PHF21A: variants seen among roughly 807,000 people sequenced by gnomAD.
PHF21A encodes PHD finger protein 21A, also known as BHC80a.
Under a neutral mutation model 82.5 loss-of-function variants are expected in PHF21A, and 11 were observed. The ratio of observed to expected loss-of-function variants is 0.13; its 90% CI spans 0.08 to 0.22. The LOEUF (loss-of-function observed/expected upper bound fraction) is 0.22. PHF21A is among the 10% of genes least tolerant of loss of function. PHF21A has a pLI of 1.00. For synonymous variants in PHF21A, 297 were observed against 302.8 expected, an observed-to-expected ratio of 0.98 and a Z score of 0.20; for missense variants, 579 against 837.8, an observed-to-expected ratio of 0.69 and a Z score of 3.81.
intron 6 of PHF21A, among the ~76,000 whole-genome samples, chr11:46,074,458 C>CG (rs35144908): frequency 0.088 from 11,151 of 126,682 alleles, 511 homozygotes; most frequent in Non-Finnish European, 0.11. Context: ...GCTCTTTTGG[C>CG]GGGAGGGGGG....
At chr11:46,111,252 T>C (rs1329657288) in intron 1 of PHF21A, among the ~76,000 whole-genome samples, 1 of 151,358 alleles carries the variant, frequency 6.6e-6, no homozygotes, top group East Asian at 2.0e-4. Context: ...GCAGATCACT[T>C]GAGGCCAAGA....
intron 6 of PHF21A, among the ~76,000 whole-genome samples, chr11:46,051,201 T>C (rs1470963149): frequency 6.6e-6 from 1 of 152,192 alleles, no homozygotes; most frequent in Non-Finnish European, 1.5e-5. Flanking sequence ...AAATAAAGTA[T>C]GTGGTTTCTT....
At chr11:46,085,188 CTG>C (rs766404375) in intron 3 of PHF21A, among the ~76,000 whole-genome samples, 2 of 152,106 alleles carry the variant, frequency 1.3e-5, no homozygotes, top group Non-Finnish European at 2.9e-5. Flanking sequence ...TGCAATATAA[CTG>C]TACTATCCAC....
chr11:46,009,206 T>G (rs1045315987), intron 6 of PHF21A, among the ~76,000 whole-genome samples: 3 of 152,028 alleles, frequency 2.0e-5, no homozygotes, highest in Non-Finnish European at 2.9e-5. Flanking sequence ...ACTCCCGACC[T>G]CAGGTAATCT....
chr11:46,103,984 T>A (rs1301784111), intron 1 of PHF21A, among the ~76,000 whole-genome samples: 3 of 152,166 alleles, frequency 2.0e-5, no homozygotes, highest in Admixed American at 2.0e-4. Context: ...GTACCTTTTC[T>A]CATAATCAAC....
intron 7 of PHF21A, among the ~76,000 whole-genome samples, chr11:45,973,002 C>T (rs765045570): frequency 1.1e-4 from 16 of 152,014 alleles, no homozygotes; most frequent in Middle Eastern, 3.2e-3. Context: ...CACTTGAACC[C>T]GTGAGGCAGA....
intron 16 of PHF21A, among the ~76,000 whole-genome samples, chr11:45,937,516 T>G (rs1249159738): frequency 6.6e-6 from 1 of 152,184 alleles, no homozygotes; most frequent in Non-Finnish European, 1.5e-5. Context: ...GTCTCGCTCT[T>G]GTCACCCAGG....
intron 6 of PHF21A, among the ~76,000 whole-genome samples, chr11:46,006,029 A>G (rs2095286403): frequency 6.6e-6 from 1 of 152,212 alleles, no homozygotes; most frequent in Non-Finnish European, 1.5e-5. Flanking sequence ...CTGGTCTAAT[A>G]TAAAACAGTC....
rs1438680960 is a variant in PHF21A, at chr11:46,090,543, G to C, written c.-172C>G. On this transcript the variant is annotated 5_prime_UTR_variant, in exon 3 of 19. Coordinates refer to ENST00000676320, the MANE Select transcript of PHF21A (RefSeq NM_001352027.3). ...TCTTGGAGATTCACAATGCACATTA[G>C]CATATTAAAGGTTCTGAGAAGTCCT... 1.3e-5 allele frequency: 2 copies of C among 152,122 alleles called. No individual in the cohort carries two copies. The highest frequency in any genetic ancestry group is 3.9e-4 in the East Asian group (2 of 5,190). The allele number at this position is 152,122 out of a possible 1,614,324, so 9.4% of individuals were successfully genotyped here.
chr11:45,983,272 C>T (rs957237114), intron 6 of PHF21A, among the ~76,000 whole-genome samples: 1 of 151,296 alleles, frequency 6.6e-6, no homozygotes, highest in Admixed American at 6.6e-5. Context: ...GATCAAAATA[C>T]TTGCAAACTT....
chr11:46,042,590 A>AGGACATG (rs1565692742), intron 6 of PHF21A, among the ~76,000 whole-genome samples: 1 of 152,152 alleles, frequency 6.6e-6, no homozygotes, highest in African/African-American at 2.4e-5. Context: ...TCTTATGACT[A>AGGACATG]GGACATGGTG....
intron 6 of PHF21A, among the ~76,000 whole-genome samples, chr11:46,023,105 T>C (rs2095663748): frequency 6.6e-6 from 1 of 152,124 alleles, no homozygotes; most frequent in Admixed American, 6.5e-5. Context: ...TTGAGTGATA[T>C]GTGGACAATC....
intron 16 of PHF21A, among the ~76,000 whole-genome samples, chr11:45,937,315 T>C (rs1296044679): frequency 1.3e-5 from 2 of 152,122 alleles, no homozygotes; most frequent in African/African-American, 4.8e-5. Flanking sequence ...TATACATGCA[T>C]AGTTGAGAAA....
At position 46,053,123 on chromosome 11, in the gene PHF21A, T is replaced by G. The variant is rs375227546; in HGVS notation, c.153+23631A>C. On this transcript the variant is annotated intron_variant, in intron 6 of 18. Coordinates refer to ENST00000676320, the MANE Select transcript of PHF21A (RefSeq NM_001352027.3). Reference sequence around the variant, plus strand: ...TAGGATTACATTTTCAATTCAAAATTTGTAATTAAATGTAATGTGTATTTT... The same window carrying G: ...TAGGATTACATTTTCAATTCAAAATGTGTAATTAAATGTAATGTGTATTTT... Among the ~76,000 whole-genome samples the G allele has an allele frequency of 1.6e-4, 25 of 152,270 alleles. No homozygotes were observed. In the East Asian group the frequency reaches 4.0e-3, roughly 25 times the overall value.
intron 6 of PHF21A, among the ~76,000 whole-genome samples, chr11:46,039,836 C>T (rs964587532): frequency 2.0e-4 from 30 of 152,204 alleles, no homozygotes; most frequent in African/African-American, 6.3e-4. Flanking sequence ...TTTAAATTTC[C>T]CTAAGATTAA....
chr11:46,114,876 A>G (rs909089808), intron 1 of PHF21A, among the ~76,000 whole-genome samples: 6 of 152,194 alleles, frequency 3.9e-5, no homozygotes, highest in Non-Finnish European at 7.3e-5. Context: ...CCAAAACAAT[A>G]AAACAAAACC....
At chr11:46,019,937 C>T (rs529154526) in intron 6 of PHF21A, among the ~76,000 whole-genome samples, 17 of 152,126 alleles carry the variant, frequency 1.1e-4, no homozygotes, top group African/African-American at 3.4e-4. Context: ...ATCATGTCAT[C>T]TCATTTCAAA....
intron 7 of PHF21A, among the ~76,000 whole-genome samples, chr11:45,975,293 GAC>G (rs2093969148): frequency 6.7e-6 from 1 of 149,018 alleles, no homozygotes; most frequent in Non-Finnish European, 1.5e-5. Context: ...CAGCCTAGGT[GAC>G]ACAGTGAGAC....
Position 45,934,061 on chromosome 11 carries a change from G to C in PHF21A, c.1953C>G (p.Thr651=), listed in dbSNP as rs750447716. Residue 651 remains threonine (T), a synonymous_variant, in exon 19 of 19, where the codon ACC becomes ACG. Coordinates refer to ENST00000676320, the MANE Select transcript of PHF21A (RefSeq NM_001352027.3). ...TGGAGGTGGCGGCATTGGCAGGGGG[G>C]GTGCAGTCCGGGCCATTGGAGATGG... ...VGAISNGPDC[T]PPANAATSTP... The C allele has an allele frequency of 1.1e-5, 17 of 1,613,744 alleles. No individual in the cohort carries two copies. The Admixed American group carries it at 2.7e-4, about 25-fold the overall frequency.
Sources: allele counts gnomAD v4.1 joint callset (sites outside exome capture counted in the v4.1 genomes callset), GRCh38; gene constraint gnomAD v4.1.1; transcripts MANE v1.5; gene names NCBI Gene and HGNC (gene_info 2026-07-23, HGNC 2026-07-21).